Variants in GABRB1 observed in about 807,000 individuals in gnomAD.
GABRB1 encodes the protein gamma-aminobutyric acid type A receptor subunit beta1.
Under a neutral mutation model 51.6 loss-of-function variants are expected in GABRB1, and 17 were observed. The observed-to-expected ratio is 0.33, with a 90% CI of 0.23 to 0.49. The LOEUF is 0.49. Among genes scored for constraint, GABRB1 ranks in the 20% least tolerant of loss-of-function variants. The pLI, the probability that GABRB1 is intolerant of heterozygous loss-of-function variation, is 0.99. For missense variants in GABRB1, 410 were observed against 600.6 expected (o/e 0.68, Z 3.32); for synonymous variants, 247 against 218.9 (o/e 1.13, Z -1.14).
chr4:47,319,753 G>T (rs1725009020), intron 4 of GABRB1, among the ~76,000 whole-genome samples: 1 of 152,226 alleles, frequency 6.6e-6, no homozygotes, highest in East Asian at 1.9e-4. Flanking sequence ...TTTAAGAAAG[G>T]TTAATATTAG....
At chr4:47,407,284 G>A (rs542809617) in intron 8 of GABRB1, among the ~76,000 whole-genome samples, 1 of 152,294 alleles carries the variant, frequency 6.6e-6, no homozygotes, top group East Asian at 1.9e-4. Context: ...TATAACCATA[G>A]ACTGAAATCA....
Position 47,377,165 on chromosome 4 carries a change from C to T in GABRB1, c.545-26153C>T, listed in dbSNP as rs186550302. On this transcript the variant is annotated intron_variant, in intron 5 of 8. Coordinates refer to ENST00000295454, the MANE Select transcript of GABRB1 (RefSeq NM_000812.4). ...TGCGTTTTTTTGTTTTGTTTTGAGA[C>T]GGAGTTTTGCTCTTGTTGCCCAGGC... Among the ~76,000 whole-genome samples, 128 of 152,188 alleles carry T rather than the reference C, an allele frequency of 8.4e-4. 1 individual carries two copies. The highest frequency in any genetic ancestry group is 3.4e-3 in the Middle Eastern group (1 of 292).
intron 3 of GABRB1, among the ~76,000 whole-genome samples, chr4:47,143,393 T>C (rs1402540674): frequency 6.6e-6 from 1 of 151,892 alleles, no homozygotes; most frequent in Non-Finnish European, 1.5e-5. Flanking sequence ...TTTTAGGACA[T>C]TCCGTCCCAA....
chr4:47,122,268 C>G (rs1195062557), intron 3 of GABRB1, among the ~76,000 whole-genome samples: 2 of 152,138 alleles, frequency 1.3e-5, no homozygotes, highest in Admixed American at 1.3e-4. Context: ...TGTTGAATCT[C>G]AATTTGCTGA....
chr4:47,190,648 C>A (rs1719402545), intron 4 of GABRB1, among the ~76,000 whole-genome samples: 2 of 152,092 alleles, frequency 1.3e-5, no homozygotes, highest in African/African-American at 2.4e-5. Context: ...TTGAGTTGGG[C>A]AAGGCCACAT....
chr4:47,035,899 C>T (rs1001692622), intron 3 of GABRB1, among the ~76,000 whole-genome samples: 6 of 152,160 alleles, frequency 3.9e-5, no homozygotes, highest in African/African-American at 4.8e-5. Flanking sequence ...ACTAGCTGTT[C>T]CTTTTTATTC....
chr4:47,032,162 C>A (rs574120897), intron 2 of GABRB1, among the ~76,000 whole-genome samples, 157 bp downstream of exon 2: 979 of 96,848 alleles, frequency 0.01, 13 homozygotes, highest in African/African-American at 0.041. Flanking sequence ...ACACACACAC[C>A]CCGGGTCCCC....
At position 47,383,015 on chromosome 4, in the gene GABRB1, A is replaced by G. The variant is rs77317738; in HGVS notation, c.545-20303A>G. Among the ~76,000 whole-genome samples, 12 of 152,342 alleles carry G rather than the reference A, an allele frequency of 7.9e-5. No individual in the cohort carries two copies. In the East Asian group the frequency reaches 9.6e-4, roughly 12 times the overall value. ...TACTACAATAACCTCTGTGACACCAATCTAGCACTTGGGAATGAGTGCAGA... is the reference window on the plus strand; with the variant it reads ...TACTACAATAACCTCTGTGACACCAGTCTAGCACTTGGGAATGAGTGCAGA... On this transcript the variant is annotated intron_variant, in intron 5 of 8. Coordinates refer to ENST00000295454, the MANE Select transcript of GABRB1 (RefSeq NM_000812.4).
intron 5 of GABRB1, among the ~76,000 whole-genome samples, chr4:47,341,630 T>C (rs1220615063): frequency 6.6e-6 from 1 of 152,192 alleles, no homozygotes; most frequent in Non-Finnish European, 1.5e-5. Flanking sequence ...GAATTAGCAC[T>C]TGATATATGA....
intron 4 of GABRB1, among the ~76,000 whole-genome samples, chr4:47,283,900 C>A (rs1406668071): frequency 6.6e-6 from 1 of 151,914 alleles, no homozygotes; most frequent in Non-Finnish European, 1.5e-5. Context: ...ATGCAAAAGA[C>A]GGATTGTCAA....
intron 3 of GABRB1, among the ~76,000 whole-genome samples, chr4:47,111,365 C>A (rs1715201837): frequency 6.6e-6 from 1 of 151,752 alleles, no homozygotes; most frequent in African/African-American, 2.4e-5. Context: ...GTAACACAAG[C>A]ACATACTTTT....
intron 4 of GABRB1, among the ~76,000 whole-genome samples, chr4:47,170,227 G>T (rs538449904): frequency 2.6e-5 from 4 of 151,720 alleles, no homozygotes; most frequent in African/African-American, 7.3e-5. Context: ...ACCACGGATT[G>T]TGTGTGAGAA....
intron 5 of GABRB1, among the ~76,000 whole-genome samples, chr4:47,348,145 G>A (rs1167299147): frequency 2.6e-5 from 4 of 152,150 alleles, no homozygotes; most frequent in African/African-American, 4.8e-5. Flanking sequence ...GGTATTGTAG[G>A]TGGAGGCTGT....
intron 4 of GABRB1, among the ~76,000 whole-genome samples, chr4:47,178,212 T>A (rs1718782095): frequency 6.6e-6 from 1 of 152,100 alleles, no homozygotes; most frequent in Non-Finnish European, 1.5e-5. Context: ...AGTAGCAAAG[T>A]GCCTGTCATC....
intron 4 of GABRB1, among the ~76,000 whole-genome samples, chr4:47,180,183 G>A (rs1718885237): frequency 1.3e-5 from 2 of 151,900 alleles, no homozygotes; most frequent in South Asian, 2.1e-4. Context: ...TACAGAGGAT[G>A]CTCAAATATT....
intron 5 of GABRB1, among the ~76,000 whole-genome samples, 158 bp from the exon 6 acceptor site, chr4:47,403,160 A>G (rs924094454): frequency 6.6e-6 from 1 of 152,218 alleles, no homozygotes; most frequent in Non-Finnish European, 1.5e-5. Flanking sequence ...CTAACAAACC[A>G]TCAGAAATAG....
At chr4:47,340,905 T>C (rs950441147) in intron 5 of GABRB1, among the ~76,000 whole-genome samples, 4 of 152,236 alleles carry the variant, frequency 2.6e-5, no homozygotes, top group African/African-American at 7.2e-5. Context: ...CAGAATTTCA[T>C]GTTACATTAT....
intron 5 of GABRB1, among the ~76,000 whole-genome samples, chr4:47,346,527 A>C (rs1053005025): frequency 2.6e-5 from 4 of 152,022 alleles, no homozygotes; most frequent in African/African-American, 9.6e-5. Flanking sequence ...GGTAATCATG[A>C]AGCAGTGGAG....
At chr4:47,023,523 T>C (rs773473363) in intron 1 of GABRB1, among the ~76,000 whole-genome samples, 57 of 152,186 alleles carry the variant, frequency 3.7e-4, no homozygotes, top group Admixed American at 8.5e-4. Flanking sequence ...AACTGGAGTA[T>C]GCAGTTTGTT....
Sources: gnomAD v4.1 joint callset for allele counts (sites outside exome capture counted in the v4.1 genomes callset) on GRCh38, gnomAD v4.1.1 for gene constraint, MANE v1.5 for transcripts, NCBI Gene and HGNC (gene_info 2026-07-23, HGNC 2026-07-21) for gene names.